The following NF1 variants were observed in gnomAD, a reference collection of about 807,000 sequenced individuals.
NF1 encodes the protein neurofibromin 1, also known as neurofibromin.
A neutral mutation model predicts 325.7 loss-of-function variants in NF1; 122 were observed. The ratio of observed to expected loss-of-function variants is 0.37; its 90% CI spans 0.32 to 0.44. The LOEUF (loss-of-function observed/expected upper bound fraction) is 0.44, where lower values mean the gene tolerates loss of function less well. NF1 is among the 20% of genes least tolerant of loss of function. NF1 has a pLI of 1.00. For synonymous variants in NF1, 1,091 were observed against 1,186.0 expected (o/e 0.92, Z 1.65); for missense variants, 2,140 against 3,415.4 (o/e 0.63, Z 9.31).
intron 36 of NF1, chr17:31,294,960 C>T (rs771528005): frequency 6.2e-7 from 1 of 1,612,770 alleles, no homozygotes; most frequent in East Asian, 2.2e-5. Flanking sequence ...ATTTTCCCAA[C>T]TGTACATCAG....
At chr17:31,318,102 A>T in intron 36 of NF1, 1 of 562,010 alleles carries the variant, frequency 1.8e-6, no homozygotes, top group South Asian at 3.7e-5. Flanking sequence ...TTGCTTTTTA[A>T]AATATTCAGT....
At chr17:31,288,043 A>G (rs949055865) in intron 36 of NF1, among the ~76,000 whole-genome samples, 2 of 151,878 alleles carry the variant, frequency 1.3e-5, no homozygotes, top group Non-Finnish European at 2.9e-5. Context: ...TAACTAACCT[A>G]CACATTGTGC....
chr17:31,141,561 G>T (rs1449012013), intron 1 of NF1, among the ~76,000 whole-genome samples: 1 of 152,058 alleles, frequency 6.6e-6, no homozygotes, highest in Admixed American at 6.6e-5. Flanking sequence ...GGAGTAATTG[G>T]TGCTTTCTAA....
chr17:31,265,583 C>T (rs945343527), intron 36 of NF1, among the ~76,000 whole-genome samples: 12 of 151,630 alleles, frequency 7.9e-5, no homozygotes, highest in African/African-American at 2.7e-4. Flanking sequence ...AAAATACTGC[C>T]TGCAATGGAT....
intron 1 of NF1, among the ~76,000 whole-genome samples, chr17:31,133,944 AC>A (rs1267424340): frequency 6.6e-6 from 1 of 152,240 alleles, no homozygotes; most frequent in Non-Finnish European, 1.5e-5. Context: ...GGCATGAGCC[AC>A]TGCGTCTGGC....
rs573045083 is a variant in NF1, at chr17:31,322,501, CAAAAAAAAAAAAAAAAAAA to C, written c.4836-3302_4836-3284del. Among the ~76,000 whole-genome samples the C allele has an allele frequency of 8.2e-3, 368 of 44,816 alleles. 5 individuals carry two copies. The highest frequency in any genetic ancestry group is 0.029 in the African/African-American group (354 of 12,240). 29.4% of individuals were successfully genotyped at this position (44,816 alleles called of 152,430 possible). A position where few individuals can be genotyped will look rare whatever the true frequency, so the allele number is the denominator to read the frequency against. On this transcript the variant is annotated intron_variant, in intron 36 of 57. Transcript: ENST00000358273. ...AGGAAGACAGAGTAAGACTCTGTCT[CAAAAAAAAAAAAAAAAAAA>C]AAAAAAAAAAAAAAAAGAACTGGAT...
At chr17:31,315,446 A>G (rs1432166373) in intron 36 of NF1, among the ~76,000 whole-genome samples, 4 of 152,228 alleles carry the variant, frequency 2.6e-5, no homozygotes, top group East Asian at 1.9e-4. Flanking sequence ...GCTTGAAGGG[A>G]TGGATACCCC....
At chr17:31,258,300 A>G (rs748636053) in intron 31 of NF1, 44 bp from the exon 32 acceptor site, 5 of 1,610,530 alleles carry the variant, frequency 3.1e-6, no homozygotes, top group Middle Eastern at 1.6e-4. Flanking sequence ...ATGTCTTTAT[A>G]TTAATTCAAA....
intron 11 of NF1, among the ~76,000 whole-genome samples, chr17:31,202,854 C>T (rs1177503001): frequency 1.3e-5 from 2 of 152,132 alleles, no homozygotes; most frequent in Non-Finnish European, 2.9e-5. Context: ...ATTGTACCTT[C>T]AAGGTTTACT....
chr17:31,313,286 T>C (rs928675568), intron 36 of NF1, among the ~76,000 whole-genome samples: 1 of 152,224 alleles, frequency 6.6e-6, no homozygotes, highest in African/African-American at 2.4e-5. Flanking sequence ...ATTAGAACTT[T>C]TAACAATTAA....
intron 14 of NF1, among the ~76,000 whole-genome samples, chr17:31,220,682 G>A (rs2143996780): frequency 6.6e-6 from 1 of 152,016 alleles, no homozygotes; most frequent in South Asian, 2.1e-4. Flanking sequence ...CTGCATTTAT[G>A]GCTTTGTTAA....
intron 1 of NF1, among the ~76,000 whole-genome samples, chr17:31,119,220 T>C (rs1453730547): frequency 6.6e-6 from 1 of 152,060 alleles, no homozygotes; most frequent in African/African-American, 2.4e-5. Context: ...GGATTACAGG[T>C]GTGAGCCACC....
chr17:31,101,063 AG>A (rs1373170795), intron 1 of NF1, among the ~76,000 whole-genome samples: 1 of 152,104 alleles, frequency 6.6e-6, no homozygotes, highest in East Asian at 1.9e-4. Flanking sequence ...TCTGTGGACC[AG>A]TCTTTTTTGT....
At chr17:31,281,629 C>T (rs2151485770) in intron 36 of NF1, among the ~76,000 whole-genome samples, 1 of 152,208 alleles carries the variant, frequency 6.6e-6, no homozygotes, top group African/African-American at 2.4e-5. Flanking sequence ...CTCTTTTCCA[C>T]CTGGTTTGAA....
intron 1 of NF1, among the ~76,000 whole-genome samples, chr17:31,111,327 G>A (rs1057427378): frequency 2.0e-5 from 3 of 151,960 alleles, no homozygotes; most frequent in Admixed American, 1.3e-4. Flanking sequence ...TAGCATGGAA[G>A]CAAATACTTG....
chr17:31,174,348 C>T (rs1057101545), intron 5 of NF1, among the ~76,000 whole-genome samples: 9 of 152,130 alleles, frequency 5.9e-5, no homozygotes, highest in African/African-American at 1.2e-4. Context: ...AAGGCACTTT[C>T]GTATGCTGCT....
chr17:31,175,691 G>A (rs367623305), intron 5 of NF1, among the ~76,000 whole-genome samples: 2 of 151,690 alleles, frequency 1.3e-5, no homozygotes, highest in South Asian at 2.1e-4. Flanking sequence ...CCCACCCCCC[G>A]ACAGGCACCG....
intron 1 of NF1, among the ~76,000 whole-genome samples, chr17:31,103,516 A>C (rs1161092186): frequency 2.0e-5 from 3 of 152,112 alleles, no homozygotes; most frequent in Admixed American, 2.0e-4. Context: ...AAGTGCTGGG[A>C]TCACAGGCTT....
chr17:31,223,889 T>G (rs2066969261), intron 16 of NF1, among the ~76,000 whole-genome samples: 1 of 152,196 alleles, frequency 6.6e-6, no homozygotes, highest in African/African-American at 2.4e-5. Flanking sequence ...TCTTTACTCT[T>G]AAGTTCATAC....
Sources: allele counts gnomAD v4.1 joint callset (sites outside exome capture counted in the v4.1 genomes callset), GRCh38; gene constraint gnomAD v4.1.1; transcripts MANE v1.5; gene names NCBI Gene and HGNC (gene_info 2026-07-23, HGNC 2026-07-21).